MEIOB: variants seen among roughly 807,000 people sequenced by gnomAD.
The protein encoded by MEIOB is meiosis-specific with OB domain-containing protein.
In MEIOB, 50 loss-of-function variants were observed where a neutral mutation model predicts 53.1. That is an observed-to-expected ratio of 0.94 (90% CI 0.75 to 1.19). The LOEUF is 1.19. MEIOB is among the 50% of genes most tolerant of loss of function. MEIOB has a pLI of 0.00. For synonymous variants in MEIOB, 192 were observed against 182.5 expected (o/e 1.05, Z -0.42); for missense variants, 551 against 550.8 (o/e 1.00, Z 0.00).
At chr16:1,849,069 G>C (rs186780236) in intron 9 of MEIOB, among the ~76,000 whole-genome samples, 1 of 152,140 alleles carries the variant, frequency 6.6e-6, no homozygotes, top group East Asian at 1.9e-4. Flanking sequence ...TGGATCACTT[G>C]AGCCCAGCAG....
intron 9 of MEIOB, among the ~76,000 whole-genome samples, chr16:1,848,417 A>G (rs1899075173): frequency 6.6e-6 from 1 of 152,012 alleles, no homozygotes; most frequent in African/African-American, 2.4e-5. Flanking sequence ...GTTACAGAAC[A>G]TGCCTTCAGG....
intron 10 of MEIOB, among the ~76,000 whole-genome samples, chr16:1,843,157 G>T (rs926000850): frequency 2.6e-5 from 4 of 151,250 alleles, no homozygotes; most frequent in Admixed American, 6.6e-5. Context: ...AGCCGGGCGT[G>T]GGGTGGGCGC....
Position 1,834,316 on chromosome 16 carries a change from CGA to C in MEIOB, c.1354_1355del (p.Ser452ValfsTer8), listed in dbSNP as rs140689936. Reference sequence around the variant, plus strand: ...CCTCAGTAGGATCTGCAAGCTTGCACGAGAGTACACTAATTTTCAATCCACTC... The same window carrying C: ...CCTCAGTAGGATCTGCAAGCTTGCACGAGTACACTAATTTTCAATCCACTC... The part of the protein sequence containing the change: ...ARSGLKISVL[S>X]CKLADPTEAS... On this transcript the variant is annotated frameshift_variant, in exon 14 of 14. Transcript: ENST00000325962. LOFTEE classifies it high-confidence loss of function. The C allele has an allele frequency of 1.2e-6, 2 of 1,613,164 alleles. No individual in the cohort carries two copies. The highest frequency in any genetic ancestry group is 2.2e-5 in the East Asian group (1 of 44,856).
At chr16:1,837,343 G>T (rs1052104132) in intron 13 of MEIOB, among the ~76,000 whole-genome samples, 3 of 151,686 alleles carry the variant, frequency 2.0e-5, no homozygotes, top group Admixed American at 2.0e-4. Flanking sequence ...CACAGGGTGG[G>T]TGGGGGTGGG....
At chr16:1,865,293 A>T (rs1331975052) in intron 3 of MEIOB, among the ~76,000 whole-genome samples, 1 of 152,146 alleles carries the variant, frequency 6.6e-6, no homozygotes, top group Non-Finnish European at 1.5e-5. Flanking sequence ...TTAGCTGGGC[A>T]TGATGGCATG....
At chr16:1,846,115 TC>T (rs1707263056) in intron 9 of MEIOB, among the ~76,000 whole-genome samples, 1 of 152,166 alleles carries the variant, frequency 6.6e-6, no homozygotes, top group Non-Finnish European at 1.5e-5. Flanking sequence ...TTATCTCAAT[TC>T]TTGGCAAGTA....
rs1337811797 is a variant in MEIOB, at chr16:1,857,931, C to T, written c.333-1G>A. On this transcript the variant is annotated splice_acceptor_variant, in intron 5 of 13. Coordinates refer to ENST00000325962, the MANE Select transcript of MEIOB (RefSeq NM_001163560.3). LOFTEE classifies it high-confidence loss of function. ...CTCACTGAGCAACAGTTTACAGTTGCTAAATTGCAAAAACACAAGAAAGTT... is the reference window on the plus strand; with the variant it reads ...CTCACTGAGCAACAGTTTACAGTTGTTAAATTGCAAAAACACAAGAAAGTT... The T allele has an allele frequency of 7.3e-6, 11 of 1,508,332 alleles. No individual in the cohort carries two copies. Among genetic ancestry groups the T allele is most frequent in the Non-Finnish European group, 9.8e-6 (11 of 1,123,972 alleles). 93.4% of individuals were successfully genotyped at this position (1,508,332 alleles called of 1,614,324 possible).
chr16:1,834,442 G>C (rs897965607), intron 13 of MEIOB, 76 bp from the exon 14 acceptor site: 1 of 774,372 alleles, frequency 1.3e-6, no homozygotes, highest in Middle Eastern at 2.3e-4. Context: ...AAAAATCAAT[G>C]ATCACGAATA....
At chr16:1,862,401 A>G (rs572704037) in intron 3 of MEIOB, among the ~76,000 whole-genome samples, 17 of 152,262 alleles carry the variant, frequency 1.1e-4, no homozygotes, top group African/African-American at 4.1e-4. Flanking sequence ...AGGGAAAAAC[A>G]TGTAAACTTG....
At chr16:1,852,558 C>T (rs1407610405) in intron 9 of MEIOB, among the ~76,000 whole-genome samples, 5 of 148,910 alleles carry the variant, frequency 3.4e-5, no homozygotes, top group Admixed American at 1.3e-4. Context: ...ACCGCGCCAG[C>T]CTTGTTTTTT....
chr16:1,857,785 C>T lies in MEIOB; in HGVS notation c.478G>A (p.Gly160Arg). The change falls in exon 6 of 14, where the codon GGA becomes AGA. Residue 160 changes from glycine (G) to arginine (R), a missense_variant. By Grantham distance (125) the Gly-to-Arg change is moderately radical. Coordinates refer to ENST00000325962, the MANE Select transcript of MEIOB (RefSeq NM_001163560.3). The stretch of plus-strand genomic sequence containing the variant: ...ATAATCCTCCCATTAAGACTGTGTC[C>T]ATTTGCAACAATGTCACCCAGTGAA... ...YYSLGDIVAN[G>R]HSLNGRIINV... 1 of 1,551,924 alleles carries T rather than the reference C, an allele frequency of 6.4e-7. No homozygotes were observed.
chr16:1,854,125 T>C lies in MEIOB; in HGVS notation c.604A>G (p.Thr202Ala). ...CATGTCATCGCAAAAGACGACTCTG[T>C]TTCATCATAGAGTCTAACTTCACAC... ...QRCEVRLYDE[T>A]ESSFAMTCWD... The change falls in exon 7 of 14, where the codon ACA (threonine) becomes GCA (alanine). Residue 202 changes from threonine to alanine, a missense_variant. Thr to Ala is a moderately conservative substitution (Grantham distance 58). Coordinates refer to ENST00000325962, the MANE Select transcript of MEIOB (RefSeq NM_001163560.3). 1 of 1,550,878 alleles carries C rather than the reference T, an allele frequency of 6.4e-7. No individual in the cohort carries two copies. The highest frequency in any genetic ancestry group is 1.2e-5 in the South Asian group (1 of 83,982).
At chr16:1,846,357 A>G (rs978006873) in intron 9 of MEIOB, among the ~76,000 whole-genome samples, 24 of 152,090 alleles carry the variant, frequency 1.6e-4, no homozygotes, top group African/African-American at 5.3e-4. Context: ...CTGTCAGAGA[A>G]AGGCAGGAAT....
intron 9 of MEIOB, among the ~76,000 whole-genome samples, chr16:1,852,553 G>A (rs527477444): frequency 2.6e-4 from 39 of 150,764 alleles, no homozygotes; most frequent in Non-Finnish European, 2.2e-4. Context: ...GAGCCACCGC[G>A]CCAGCCTTGT....
intron 9 of MEIOB, among the ~76,000 whole-genome samples, chr16:1,846,689 C>T (rs775468854): frequency 3.3e-5 from 5 of 152,028 alleles, no homozygotes; most frequent in Non-Finnish European, 5.9e-5. Context: ...TCTCAGCAAA[C>T]TAACACAGGA....
intron 9 of MEIOB, among the ~76,000 whole-genome samples, chr16:1,850,153 T>G (rs2815300): frequency 0.011 from 1,740 of 152,338 alleles, 44 homozygotes; most frequent in African/African-American, 0.04. Flanking sequence ...AATGAGATCT[T>G]GAGTTTTTTA....
In MEIOB at chr16:1,837,808, C is replaced by T; in HGVS notation, c.1281G>A (p.Leu427=). The change falls in exon 13 of 14, where the codon TTG becomes TTA. Residue 427 remains leucine (L), a synonymous_variant. Transcript: ENST00000325962. ...QKTALKWQFL[L]ERSKIYLKFV... ...CTTTTAAATAAATTTTGCTTCTTTC[C>T]AAGAGAAATTGCCACTTTAATGCTG... is the stretch of plus-strand genomic sequence containing the variant. 6.5e-7 allele frequency: 1 copy of T among 1,534,932 alleles called. No individual in the cohort carries two copies. Among genetic ancestry groups the T allele is most frequent in the Non-Finnish European group, 8.8e-7 (1 of 1,138,372 alleles).
At chr16:1,835,428 T>C (rs893024062) in intron 13 of MEIOB, among the ~76,000 whole-genome samples, 3 of 152,236 alleles carry the variant, frequency 2.0e-5, no homozygotes, top group African/African-American at 7.2e-5. Flanking sequence ...TTTTATAATT[T>C]ATACAGCACT....
Position 1,865,818 on chromosome 16 carries a change from A to G in MEIOB, c.87T>C (p.Val29=). The stretch of plus-strand genomic sequence containing the variant: ...AGCCTTTGACATCTGTTTTCCCAAT[A>G]ACTATACCGATAACTTTCTGAAAAA... ...NMANLKVIGI[V]IGKTDVKGFP... is the part of the protein sequence containing the mutation. The change falls in exon 3 of 14, where the codon GTT becomes GTC. Residue 29 remains valine (V), a synonymous_variant. Coordinates refer to ENST00000325962, the MANE Select transcript of MEIOB (RefSeq NM_001163560.3). The G allele has an allele frequency of 6.5e-7, 1 of 1,548,486 alleles. No individual in the cohort carries two copies. The highest frequency in any genetic ancestry group is 8.7e-7 in the Non-Finnish European group (1 of 1,146,030).
Sources: gnomAD v4.1 joint callset for allele counts (sites outside exome capture counted in the v4.1 genomes callset) on GRCh38, gnomAD v4.1.1 for gene constraint, MANE v1.5 for transcripts, NCBI Gene and HGNC (gene_info 2026-07-23, HGNC 2026-07-21) for gene names.